SLC2A7: variants seen among roughly 807,000 people sequenced by gnomAD.
The protein encoded by SLC2A7 is solute carrier family 2 member 7.
In SLC2A7, 50 loss-of-function variants were observed where a neutral mutation model predicts 50.5. The ratio of observed to expected loss-of-function variants is 0.99; its 90% CI spans 0.79 to 1.25. SLC2A7 has a LOEUF of 1.25. Ranked by LOEUF, SLC2A7 falls within the 50% of genes most tolerant of loss-of-function variation. SLC2A7 has a pLI of 0.00. For synonymous variants in SLC2A7, 308 were observed against 300.4 expected, an observed-to-expected ratio of 1.03 and a Z score of -0.26; for missense variants, 683 against 679.1, an observed-to-expected ratio of 1.01 and a Z score of -0.06.
intron 10 of SLC2A7, among the ~76,000 whole-genome samples, chr1:9,005,819 G>T (rs1337544059): frequency 6.6e-6 from 1 of 151,320 alleles, no homozygotes; most frequent in Non-Finnish European, 1.5e-5. Context: ...AAAAGAAAAG[G>T]ACCGATCTCC....
intron 2 of SLC2A7, 23 bp downstream of exon 2, chr1:9,024,953 C>A (rs369923316): frequency 2.5e-6 from 4 of 1,610,244 alleles, no homozygotes; most frequent in Non-Finnish European, 3.4e-6. Flanking sequence ...GCCCGGCCCA[C>A]CTTGTGCCCA....
At position 9,004,862 on chromosome 1, in the gene SLC2A7, C is replaced by T. The variant is rs1640632123; in HGVS notation, c.1210G>A (p.Val404Met). 2 of 1,613,754 alleles carry T rather than the reference C, an allele frequency of 1.2e-6. No individual in the cohort carries two copies. Among genetic ancestry groups the T allele is most frequent in the African/African-American group, 2.7e-5 (2 of 74,888 alleles). Residue 404 changes from valine (V) to methionine (M), a missense_variant, in exon 11 of 12, where the codon GTG becomes ATG. Val to Met is a conservative substitution (Grantham distance 21, BLOSUM62 1). Transcript: ENST00000400906. ...GACTGCAGGAAGATCTCGGTCCTCA[C>T]CACCGAGGGGACAGGACCTGGAGGG... is the stretch of plus-strand genomic sequence containing the variant. ...SIGPSPVPSV[V>M]RTEIFLQSSR... is the part of the protein sequence containing the mutation.
intron 8 of SLC2A7, among the ~76,000 whole-genome samples, chr1:9,010,850 T>G (rs530713567): frequency 6.6e-6 from 1 of 152,248 alleles, no homozygotes; most frequent in Non-Finnish European, 1.5e-5. Context: ...GTTTCTGTGT[T>G]TGATGCTTTG....
intron 9 of SLC2A7, among the ~76,000 whole-genome samples, chr1:9,009,275 C>T (rs1181478313): frequency 6.6e-6 from 1 of 152,194 alleles, no homozygotes; most frequent in Non-Finnish European, 1.5e-5. Flanking sequence ...GAGGCTGCCT[C>T]GGAGACACAG....
At chr1:9,014,594 G>T in intron 7 of SLC2A7, 87 bp downstream of exon 7, 2 of 1,490,064 alleles carry the variant, frequency 1.3e-6, no homozygotes, top group East Asian at 4.9e-5. Context: ...TGCCAGGCCA[G>T]GCCTCTGTGG....
Position 9,015,137 on chromosome 1 carries a change from T to C in SLC2A7, c.695A>G (p.Asp232Gly), listed in dbSNP as rs781552889. The stretch of plus-strand genomic sequence containing the variant: ...CATACCTTGTCGCGCTGTGGCTTCA[T>C]CTCCTTTCTGAATCAGGGAGTAGCG... ...SPRYSLIQKG[D>G]EATARQALRR... The change falls in exon 6 of 12, where the codon GAT (aspartate) becomes GGT (glycine). Residue 232 changes from aspartate (D) to glycine (G), a missense_variant. Coordinates refer to ENST00000400906, the MANE Select transcript of SLC2A7 (RefSeq NM_207420.3). 1.5e-5 allele frequency: 24 copies of C among 1,613,440 alleles called. No homozygotes were observed. The East Asian group carries it at 2.2e-4, about 15-fold the overall frequency.
chr1:9,026,088 G>A (rs940002131), intron 1 of SLC2A7, among the ~76,000 whole-genome samples: 6 of 152,202 alleles, frequency 3.9e-5, no homozygotes, highest in Non-Finnish European at 8.8e-5. Flanking sequence ...CCCAGCATTC[G>A]CTCAGCCACC....
intron 5 of SLC2A7, among the ~76,000 whole-genome samples, chr1:9,016,439 C>G (rs1640832464): frequency 6.6e-6 from 1 of 152,064 alleles, no homozygotes; most frequent in Non-Finnish European, 1.5e-5. Context: ...ACCCTTGTCT[C>G]TATAACAAAA....
rs950766714 is a variant in SLC2A7, at chr1:9,005,326, G to A, written c.1193-447C>T. Among the ~76,000 whole-genome samples the A allele has an allele frequency of 2.6e-5, 4 of 152,194 alleles. 1 individual carries two copies. In the East Asian group the frequency reaches 7.7e-4, roughly 29 times the overall value. On this transcript the variant is annotated intron_variant, in intron 10 of 11. Coordinates refer to ENST00000400906, the MANE Select transcript of SLC2A7 (RefSeq NM_207420.3). The stretch of plus-strand genomic sequence containing the variant: ...GGCGGATCTGGGTATGGCAGGGCCT[G>A]AGGGCTACACCTTCTTGGACAACTG...
downstream of SLC2A7, among the ~76,000 whole-genome samples, chr1:8,998,639 G>T (rs1351805598): frequency 6.6e-6 from 1 of 151,988 alleles, no homozygotes; most frequent in African/African-American, 2.4e-5. Flanking sequence ...ATAAATAACA[G>T]AATCAGTTTG....
the SLC2A7 span, among the ~76,000 whole-genome samples, chr1:8,993,084 C>G: frequency 2.0e-5 from 3 of 152,202 alleles, no homozygotes; most frequent in Non-Finnish European, 2.9e-5. Flanking sequence ...ACTCACAGTT[C>G]CATGTGGCTG....
intron 5 of SLC2A7, among the ~76,000 whole-genome samples, chr1:9,016,991 C>T (rs1640840219): frequency 6.6e-6 from 1 of 152,152 alleles, no homozygotes; most frequent in South Asian, 2.1e-4. Flanking sequence ...AAACTAGCAT[C>T]CCTAGTCAGG....
At chr1:9,012,926 T>C (rs996899912) in intron 8 of SLC2A7, among the ~76,000 whole-genome samples, 1 of 152,178 alleles carries the variant, frequency 6.6e-6, no homozygotes, top group African/African-American at 2.4e-5. Flanking sequence ...CTCACTCTTG[T>C]CACCCAGGCT....
intron 3 of SLC2A7, among the ~76,000 whole-genome samples, chr1:9,020,660 A>G (rs1015094768): frequency 7.1e-6 from 1 of 140,714 alleles, no homozygotes; most frequent in African/African-American, 2.7e-5. Flanking sequence ...TGGCTGGTGC[A>G]TCCTGATATT....
chr1:9,015,216 C>A lies in SLC2A7; in HGVS notation c.616G>T (p.Gly206Trp). 6.2e-7 allele frequency: 1 copy of A among 1,604,868 alleles called. No homozygotes were observed. ...AGWPVLLALT[G>W]VPALLQLLTL... ...AGCAGCTGCAGCAGGGCGGGCACCC[C>A]TGTGAGCGCCAGAAGCACCGGCCAG... The change falls in exon 6 of 12, where the codon GGG becomes TGG. Residue 206 changes from glycine (G) to tryptophan (W), a missense_variant. By Grantham distance (184) the Gly-to-Trp change is radical. Transcript: ENST00000400906.
At position 9,015,136 on chromosome 1, in the gene SLC2A7, A is replaced by T. The variant is rs1341045339; in HGVS notation, c.696T>A (p.Asp232Glu). ...TCATACCTTGTCGCGCTGTGGCTTCATCTCCTTTCTGAATCAGGGAGTAGC... is the reference window on the plus strand; with the variant it reads ...TCATACCTTGTCGCGCTGTGGCTTCTTCTCCTTTCTGAATCAGGGAGTAGC... Reference protein sequence around the residue: ...SPRYSLIQKGDEATARQALRR... With the variant: ...SPRYSLIQKGEEATARQALRR... Residue 232 changes from aspartate to glutamate, a missense_variant, in exon 6 of 12, where the codon GAT (aspartate) becomes GAA (glutamate). Transcript: ENST00000400906. 5.0e-6 allele frequency: 8 copies of T among 1,613,334 alleles called. No individual in the cohort carries two copies. Among genetic ancestry groups the T allele is most frequent in the Non-Finnish European group, 5.9e-6 (7 of 1,179,860 alleles).
At chr1:9,009,217 T>C (rs920784761) in intron 9 of SLC2A7, among the ~76,000 whole-genome samples, 5 of 152,248 alleles carry the variant, frequency 3.3e-5, no homozygotes, top group Admixed American at 2.0e-4. Flanking sequence ...ATTTTCCATT[T>C]GAAAGGGCTC....
chr1:8,996,307 C>T, the SLC2A7 span, among the ~76,000 whole-genome samples: 11 of 152,190 alleles, frequency 7.2e-5, no homozygotes, highest in Non-Finnish European at 1.0e-4. Context: ...TCCTTTCCCT[C>T]GGCAGAAGTG....
chr1:9,022,212 GCA>G (rs528113085), intron 3 of SLC2A7, among the ~76,000 whole-genome samples: 182 of 152,288 alleles, frequency 1.2e-3, no homozygotes, highest in African/African-American at 4.1e-3. Context: ...GTCTAACCTG[GCA>G]CACCATGCCC....
Sources: gnomAD v4.1 joint callset for allele counts (sites outside exome capture counted in the v4.1 genomes callset) on GRCh38, gnomAD v4.1.1 for gene constraint, MANE v1.5 for transcripts, NCBI Gene and HGNC (gene_info 2026-07-23, HGNC 2026-07-21) for gene names.